Variants in TAOK1 observed in about 807,000 individuals in gnomAD.
TAOK1 encodes the protein serine/threonine-protein kinase TAO1.
In TAOK1, 21 loss-of-function variants were observed where a neutral mutation model predicts 138.3. The observed-to-expected ratio is 0.15, with a 90% CI of 0.11 to 0.22. The LOEUF is 0.22. Ranked by LOEUF, TAOK1 falls within the 10% of genes least tolerant of loss-of-function variation. TAOK1 has a pLI of 1.00. For missense variants in TAOK1, 651 were observed against 1,227.7 expected, an observed-to-expected ratio of 0.53 and a Z score of 7.02; for synonymous variants, 361 against 398.4, an observed-to-expected ratio of 0.91 and a Z score of 1.12.
At chr17:29,392,455 T>C (rs1345917270) in intron 1 of TAOK1, among the ~76,000 whole-genome samples, 4 of 152,234 alleles carry the variant, frequency 2.6e-5, no homozygotes, top group African/African-American at 9.6e-5. Flanking sequence ...TTGCTACCTG[T>C]CATGTTTGTC....
intron 8 of TAOK1, 87 bp from the exon 9 acceptor site, chr17:29,489,577 C>A: frequency 1.2e-6 from 1 of 810,968 alleles, no homozygotes; most frequent in Non-Finnish European, 1.9e-6. Flanking sequence ...AAAATAAAAT[C>A]ATTTAAAAAA....
intron 1 of TAOK1, among the ~76,000 whole-genome samples, chr17:29,450,932 C>T (rs1380607254): frequency 1.3e-5 from 2 of 152,160 alleles, no homozygotes; most frequent in East Asian, 1.9e-4. Context: ...TGATAAAGGG[C>T]ATATTTTAAT....
intron 17 of TAOK1, among the ~76,000 whole-genome samples, chr17:29,526,819 T>TA (rs71138830): frequency 0.032 from 1,623 of 50,858 alleles, 243 homozygotes; most frequent in African/African-American, 0.052. Context: ...TCTCATCTCT[T>TA]AAAAAAAAAA....
At chr17:29,461,599 G>A (rs985117748) in intron 2 of TAOK1, among the ~76,000 whole-genome samples, 3 of 151,960 alleles carry the variant, frequency 2.0e-5, no homozygotes, top group Admixed American at 2.0e-4. Context: ...GATTGTATGC[G>A]GCCCACAGAG....
chr17:29,414,676 C>T (rs1038525856), intron 1 of TAOK1, among the ~76,000 whole-genome samples: 4 of 151,954 alleles, frequency 2.6e-5, no homozygotes, highest in Admixed American at 2.6e-4. Flanking sequence ...CCTGCCTCAG[C>T]CTCCTAAGTA....
intron 4 of TAOK1, 29 bp from the exon 5 acceptor site, chr17:29,477,632 T>C: frequency 8.1e-7 from 1 of 1,230,632 alleles, no homozygotes; most frequent in Non-Finnish European, 1.1e-6. Flanking sequence ...AATAATATAT[T>C]TTAATGCTTT....
chr17:29,415,829 T>TTA (rs1905252864), intron 1 of TAOK1, among the ~76,000 whole-genome samples: 1 of 152,198 alleles, frequency 6.6e-6, no homozygotes, highest in Non-Finnish European at 1.5e-5. Flanking sequence ...AAGCAAGTGT[T>TTA]TAAGAACCCG....
chr17:29,526,118 A>T (rs988002537), intron 17 of TAOK1, among the ~76,000 whole-genome samples: 1 of 151,512 alleles, frequency 6.6e-6, no homozygotes, highest in African/African-American at 2.4e-5. Context: ...TCTACTAAAA[A>T]TACAAAATTA....
chr17:29,486,695 C>G (rs2031180733), intron 8 of TAOK1, among the ~76,000 whole-genome samples: 1 of 151,988 alleles, frequency 6.6e-6, no homozygotes, highest in Admixed American at 6.6e-5. Context: ...TGGTGAATCT[C>G]TTCTGTGATT....
intron 2 of TAOK1, among the ~76,000 whole-genome samples, chr17:29,457,973 G>C (rs1030089324): frequency 1.3e-5 from 2 of 152,042 alleles, no homozygotes; most frequent in African/African-American, 4.8e-5. Context: ...AGCCGGGTGT[G>C]GTGGCGGACG....
chr17:29,539,710 T>C (rs2946741), intron 19 of TAOK1, among the ~76,000 whole-genome samples: 53,844 of 151,980 alleles, frequency 0.35, 11,414 homozygotes, highest in Non-Finnish European at 0.48. Flanking sequence ...CTCTTGGGAT[T>C]ACAGGCGTGA....
chr17:29,400,386 G>A (rs1473671605), intron 1 of TAOK1, among the ~76,000 whole-genome samples: 1 of 113,168 alleles, frequency 8.8e-6, no homozygotes, highest in African/African-American at 3.5e-5. Flanking sequence ...GCAAAACTCC[G>A]TCTCAAAAAA....
intron 14 of TAOK1, 103 bp from the exon 15 acceptor site, chr17:29,510,761 G>A: frequency 1.2e-6 from 1 of 847,524 alleles, no homozygotes; most frequent in Non-Finnish European, 1.7e-6. Context: ...TGTTTCTAAT[G>A]ATTTCTTGTT....
At chr17:29,400,160 G>A (rs566807437) in intron 1 of TAOK1, among the ~76,000 whole-genome samples, 9 of 152,166 alleles carry the variant, frequency 5.9e-5, no homozygotes, top group African/African-American at 1.9e-4. Flanking sequence ...TTGGGAGGCC[G>A]AGGTGGGTGG....
intron 19 of TAOK1, among the ~76,000 whole-genome samples, chr17:29,539,830 C>T (rs183331585): frequency 2.0e-5 from 3 of 151,566 alleles, no homozygotes; most frequent in Admixed American, 6.6e-5. Flanking sequence ...CAGCGAGCCA[C>T]GATCGCGCCA....
chr17:29,407,821 A>C (rs985861027), intron 1 of TAOK1, among the ~76,000 whole-genome samples: 1 of 152,054 alleles, frequency 6.6e-6, no homozygotes, highest in Non-Finnish European at 1.5e-5. Flanking sequence ...AATCTTTTGC[A>C]AAAGTTTCTC....
At chr17:29,430,851 C>A (rs575534676) in intron 1 of TAOK1, among the ~76,000 whole-genome samples, 3 of 152,218 alleles carry the variant, frequency 2.0e-5, no homozygotes, top group Admixed American at 6.5e-5. Flanking sequence ...TCACCCTGTT[C>A]TGTCTAGTGG....
intron 1 of TAOK1, among the ~76,000 whole-genome samples, chr17:29,399,038 G>A (rs1308702294): frequency 2.0e-5 from 3 of 149,690 alleles, no homozygotes; most frequent in African/African-American, 7.4e-5. Flanking sequence ...CCAGACTGGA[G>A]TGCAGTGGCA....
At position 29,517,614 on chromosome 17, in the gene TAOK1, G is replaced by A; in HGVS notation, c.1866G>A (p.Met622Ile). The change falls in exon 16 of 20, where the codon ATG (methionine) becomes ATA (isoleucine). Residue 622 changes from methionine (M) to isoleucine (I), a missense_variant. This residue lies in a region of TAOK1 where 258 missense variants were observed against 548.9 expected (regional missense o/e 0.47). Transcript: ENST00000261716. ...AATGCCGTCGCTTCAAGAGAAGAATGTTACTTGGGCGTCATAACTTAGAGC... is the reference window on the plus strand; with the variant it reads ...AATGCCGTCGCTTCAAGAGAAGAATATTACTTGGGCGTCATAACTTAGAGC... The part of the protein sequence containing the change: ...ELECRRFKRR[M>I]LLGRHNLEQD... 1 of 1,613,190 alleles carries A rather than the reference G, an allele frequency of 6.2e-7. No homozygotes were observed. Among genetic ancestry groups the A allele is most frequent in the Non-Finnish European group, 8.5e-7 (1 of 1,180,012 alleles).
Sources: gnomAD v4.1 joint callset for allele counts (sites outside exome capture counted in the v4.1 genomes callset) on GRCh38, gnomAD v4.1.1 for gene constraint, gnomAD v4.1.1 regional missense constraint, MANE v1.5 for transcripts, NCBI Gene and HGNC (gene_info 2026-07-23, HGNC 2026-07-21) for gene names.